The following DNAH12 variants were observed in gnomAD, a reference collection of about 807,000 sequenced individuals.
The protein encoded by DNAH12 is dynein axonemal heavy chain 12, also known as axonemal beta dynein heavy chain 12.
A neutral mutation model predicts 371.5 loss-of-function variants in DNAH12; 285 were observed. The observed-to-expected ratio is 0.77, with a 90% CI of 0.70 to 0.85. The LOEUF is 0.85. DNAH12 is among the 40% of genes least tolerant of loss of function. DNAH12 has a pLI of 0.00. For missense variants in DNAH12, 3,611 were observed against 3,689.4 expected, an observed-to-expected ratio of 0.98 and a Z score of 0.55; for synonymous variants, 1,200 against 1,213.0, an observed-to-expected ratio of 0.99 and a Z score of 0.22.
chr3:57,361,127 A>T (rs886331374), intron 58 of DNAH12, among the ~76,000 whole-genome samples: 5 of 151,966 alleles, frequency 3.3e-5, no homozygotes, highest in Non-Finnish European at 7.4e-5. Flanking sequence ...AGACGGGTAG[A>T]TCACCTGAGA....
In DNAH12 at chr3:57,301,566, C is replaced by G. The variant is rs1277216886; in HGVS notation, c.11394+169G>C. Among the ~76,000 whole-genome samples, 4 of 152,134 alleles carry G rather than the reference C, an allele frequency of 2.6e-5. 1 individual carries two copies. The highest frequency in any genetic ancestry group is 6.8e-3 in the Middle Eastern group (2 of 294). On this transcript the variant is annotated intron_variant, in intron 70 of 73. Transcript: ENST00000495027. ...ACAAAGCTACTCATCACATTTCATT[C>G]AACTCAGAGACACTCAAGTGACCAC... is the stretch of plus-strand genomic sequence containing the variant.
At chr3:57,537,745 C>T (rs6768312) in intron 2 of DNAH12, among the ~76,000 whole-genome samples, 40,211 of 149,746 alleles carry the variant, frequency 0.27, 7,012 homozygotes, top group African/African-American at 0.49. Context: ...AGCGCAGTGG[C>T]ATGATCTTGG....
At chr3:57,408,767 A>T (rs1310289082) in intron 39 of DNAH12, among the ~76,000 whole-genome samples, 1 of 151,884 alleles carries the variant, frequency 6.6e-6, no homozygotes, top group African/African-American at 2.4e-5. Flanking sequence ...CTTCCCTCTT[A>T]CTTTTCCCTC....
chr3:57,415,003 A>G (rs1487903028), intron 38 of DNAH12, among the ~76,000 whole-genome samples: 4 of 152,170 alleles, frequency 2.6e-5, no homozygotes, highest in Non-Finnish European at 5.9e-5. Context: ...TCACAGGCCC[A>G]TGGTTTGAAA....
At chr3:57,305,443 G>C (rs183649032) in intron 69 of DNAH12, among the ~76,000 whole-genome samples, 2,298 of 151,874 alleles carry the variant, frequency 0.015, 36 homozygotes, top group South Asian at 0.049. Flanking sequence ...CTCACACCCG[G>C]TCCAGCTTAC....
intron 65 of DNAH12, 89 bp from the exon 66 acceptor site, chr3:57,314,720 C>T: frequency 7.3e-7 from 1 of 1,365,968 alleles, no homozygotes; most frequent in African/African-American, 1.5e-5. Flanking sequence ...ATCTTTCTCA[C>T]AAGATTCTGT....
chr3:57,452,848 T>A lies in DNAH12; in HGVS notation c.3781A>T (p.Thr1261Ser). Residue 1261 changes from threonine to serine, a missense_variant, in exon 25 of 74, where the codon ACA (threonine) becomes TCA (serine). Coordinates refer to ENST00000495027, the MANE Select transcript of DNAH12 (RefSeq NM_001366028.2). The part of the protein sequence containing the change: ...ITPLTDRCYR[T>S]LIGAFYLNLG... ...AAGATAATTTAAATGCATACCAATG[T>A]TCTGTAACACCTGTCAGTTAGAGGC... 1 of 1,543,194 alleles carries A rather than the reference T, an allele frequency of 6.5e-7. No individual in the cohort carries two copies. The highest frequency in any genetic ancestry group is 1.2e-5 in the South Asian group (1 of 81,514).
intron 23 of DNAH12, among the ~76,000 whole-genome samples, chr3:57,453,662 C>T (rs1446089690): frequency 6.6e-6 from 1 of 151,580 alleles, no homozygotes; most frequent in Non-Finnish European, 1.5e-5. Context: ...CAACCTCCGC[C>T]TCCTGGGTTC....
intron 8 of DNAH12, among the ~76,000 whole-genome samples, chr3:57,506,687 C>T (rs972810866): frequency 1.8e-4 from 28 of 152,130 alleles, no homozygotes; most frequent in Non-Finnish European, 3.5e-4. Flanking sequence ...AGTGATCCAC[C>T]TGCCTGGGCC....
At chr3:57,510,203 G>C (rs1364505776) in intron 5 of DNAH12, among the ~76,000 whole-genome samples, 2 of 151,706 alleles carry the variant, frequency 1.3e-5, no homozygotes, top group Non-Finnish European at 2.9e-5. Flanking sequence ...AAATAGTATA[G>C]CTAAAATCAT....
At chr3:57,403,745 C>G (rs2063942025) in intron 42 of DNAH12, among the ~76,000 whole-genome samples, 1 of 152,010 alleles carries the variant, frequency 6.6e-6, no homozygotes, top group Admixed American at 6.6e-5. Context: ...ACAAGTTATA[C>G]AAATAAAATG....
chr3:57,512,966 G>A (rs530841056), intron 4 of DNAH12, among the ~76,000 whole-genome samples: 36 of 152,016 alleles, frequency 2.4e-4, no homozygotes, highest in African/African-American at 6.0e-4. Context: ...GTGAAACCCC[G>A]TCTCTACTAA....
In DNAH12 at chr3:57,323,152, A is replaced by G. The variant is rs1436735212; in HGVS notation, c.10238T>C (p.Ile3413Thr). Residue 3413 changes from isoleucine (I) to threonine (T), a missense_variant, in exon 64 of 74, where the codon ATT (isoleucine) becomes ACT (threonine). Coordinates refer to ENST00000495027, the MANE Select transcript of DNAH12 (RefSeq NM_001366028.2). ...TAGGCACACCCAAGTTCCTTCTTCA[A>G]TTGCTGCTTTAATCATTTTTGCTGC... ...PIAAKMIKAA[I>T]EEGTWVCLQN... 7.1e-6 allele frequency: 11 copies of G among 1,552,382 alleles called. No individual in the cohort carries two copies. Among genetic ancestry groups the G allele is most frequent in the Middle Eastern group, 1.7e-4 (1 of 5,998 alleles).
intron 65 of DNAH12, among the ~76,000 whole-genome samples, chr3:57,321,228 T>G (rs758403228): frequency 1.3e-5 from 2 of 152,174 alleles, no homozygotes; most frequent in Non-Finnish European, 2.9e-5. Flanking sequence ...GCTCTCTTTC[T>G]AAATAAAACC....
intron 69 of DNAH12, among the ~76,000 whole-genome samples, chr3:57,302,557 A>ATGT (rs1559535398): frequency 1.7e-5 from 1 of 58,520 alleles, no homozygotes; most frequent in East Asian, 2.2e-3. Flanking sequence ...ATATATATAT[A>ATGT]TATATATGTA....
At chr3:57,459,922 T>A in intron 19 of DNAH12, 136 bp from the exon 20 acceptor site, 1 of 764,682 alleles carries the variant, frequency 1.3e-6, no homozygotes, top group Non-Finnish European at 1.8e-6. Flanking sequence ...TACTTATGTA[T>A]GTCTCACAAA....
intron 12 of DNAH12, 98 bp downstream of exon 12, chr3:57,489,411 C>T: frequency 2.4e-6 from 3 of 1,254,792 alleles, no homozygotes; most frequent in Middle Eastern, 2.8e-4. Flanking sequence ...GTTGTACGTA[C>T]TTACATATTT....
chr3:57,444,354 C>T (rs773609929), intron 29 of DNAH12, among the ~76,000 whole-genome samples: 4 of 151,960 alleles, frequency 2.6e-5, no homozygotes, highest in Non-Finnish European at 5.9e-5. Flanking sequence ...CCATGCCTGG[C>T]TAATTTTTTG....
chr3:57,411,248 C>T (rs1464841628), intron 39 of DNAH12, among the ~76,000 whole-genome samples: 1 of 151,968 alleles, frequency 6.6e-6, no homozygotes, highest in African/African-American at 2.4e-5. Context: ...AACACCTGGG[C>T]CAGGCACAGT....
Sources: gnomAD v4.1 joint callset for allele counts (sites outside exome capture counted in the v4.1 genomes callset) on GRCh38, gnomAD v4.1.1 for gene constraint, MANE v1.5 for transcripts, NCBI Gene and HGNC (gene_info 2026-07-23, HGNC 2026-07-21) for gene names.